Variants in C14orf93 observed in about 807,000 individuals in gnomAD.
The protein encoded by C14orf93 is uncharacterized protein C14orf93.
A neutral mutation model predicts 44.0 loss-of-function variants in C14orf93; 23 were observed. The ratio of observed to expected loss-of-function variants is 0.52; its 90% CI spans 0.38 to 0.74. C14orf93 has a LOEUF of 0.74. Among genes scored for constraint, C14orf93 ranks in the 30% least tolerant of loss-of-function variants. The pLI, the probability that C14orf93 is intolerant of heterozygous loss-of-function variation, is 0.00. For missense variants in C14orf93, 579 were observed against 678.9 expected (o/e 0.85, Z 1.64); for synonymous variants, 253 against 265.7 (o/e 0.95, Z 0.46).
In C14orf93 at chr14:22,996,699, A is replaced by T. The variant is rs961995713; in HGVS notation, c.598-431T>A. On this transcript the variant is annotated intron_variant, in intron 2 of 6. Coordinates refer to ENST00000299088, the MANE Select transcript of C14orf93 (RefSeq NM_021944.4). This position sits in a 1 kb window ranked among gnomAD's most constrained non-coding sequence, Gnocchi z 4.1. ...GGAGACATAAAAGACAAATGAGCAAAGGAGGAAGACATAAAGTCAGAAATC... is the reference window on the plus strand; with the variant it reads ...GGAGACATAAAAGACAAATGAGCAATGGAGGAAGACATAAAGTCAGAAATC... Among the ~76,000 whole-genome samples the T allele has an allele frequency of 2.8e-4, 43 of 152,214 alleles. No homozygotes were observed. The highest frequency in any genetic ancestry group is 1.0e-3 in the African/African-American group (42 of 41,442).
intron 5 of C14orf93, among the ~76,000 whole-genome samples, chr14:22,988,281 G>A (rs1467912606): frequency 6.6e-6 from 1 of 151,878 alleles, no homozygotes; most frequent in Non-Finnish European, 1.5e-5. Flanking sequence ...TTACAGGCAT[G>A]TGCCACCACA....
intron 1 of C14orf93, among the ~76,000 whole-genome samples, chr14:23,003,670 G>A (rs764324834): frequency 2.0e-5 from 3 of 150,874 alleles, no homozygotes; most frequent in African/African-American, 2.4e-5. Context: ...GCATGCTGGC[G>A]CGTGCCTGTA....
intron 1 of C14orf93, among the ~76,000 whole-genome samples, chr14:23,001,457 CTTTTAT>C (rs1594661754): frequency 6.6e-6 from 1 of 152,134 alleles, no homozygotes; most frequent in Admixed American, 6.5e-5. Context: ...CTTCCCCTCT[CTTTTAT>C]TTTTATTTAT....
chr14:22,998,245 C>T (rs946554293), intron 2 of C14orf93, 182 bp downstream of exon 2: 1 of 917,808 alleles, frequency 1.1e-6, no homozygotes, highest in African/African-American at 1.7e-5. Flanking sequence ...GCCAAAGAAG[C>T]TGATGGTTCA....
intron 3 of C14orf93, 27 bp from the exon 4 acceptor site, chr14:22,990,154 C>G (rs2045510178): frequency 6.3e-7 from 1 of 1,597,072 alleles, no homozygotes; most frequent in African/African-American, 1.3e-5. Context: ...AAAACACAAT[C>G]AAGCCAAGAG....
Position 22,992,159 on chromosome 14 carries a change from T to C in C14orf93, c.919-2032A>G, listed in dbSNP as rs2045678662. ...AGTCAGCTTATTCTATTGTTGAACA[T>C]TTCTACTCATTAAAAAGTTTTGCCG... On this transcript the variant is annotated intron_variant, in intron 3 of 6. Coordinates refer to ENST00000299088, the MANE Select transcript of C14orf93 (RefSeq NM_021944.4). 3.3e-5 allele frequency among the ~76,000 whole-genome samples: 5 copies of C among 152,280 alleles called. No individual in the cohort carries two copies. The South Asian group carries it at 1.0e-3, about 32-fold the overall frequency.
chr14:23,007,733 C>G (rs549568125), intron 1 of C14orf93, among the ~76,000 whole-genome samples: 1 of 152,112 alleles, frequency 6.6e-6, no homozygotes, highest in Non-Finnish European at 1.5e-5. Flanking sequence ...ATCAGGGATA[C>G]GGGCTCTGCA....
rs941389819 is a variant in C14orf93, at chr14:22,999,222, C to T, written c.-199G>A. 3.3e-5 allele frequency: 24 copies of T among 732,932 alleles called. No individual in the cohort carries two copies. The African/African-American group carries it at 4.1e-4, about 12-fold the overall frequency. The allele number at this position is 732,932 out of a possible 1,614,324, so 45.4% of individuals were successfully genotyped here. A position where few individuals can be genotyped will look rare whatever the true frequency, so the allele number is the denominator to read the frequency against. ...TCCATGGCGGCCTCTCCTCGGCCTG[C>T]AGAAGGGAGACAGGTGCCTTCTATT... is the stretch of plus-strand genomic sequence containing the variant. On this transcript the variant is annotated 5_prime_UTR_variant, in exon 2 of 7. Coordinates refer to ENST00000299088, the MANE Select transcript of C14orf93 (RefSeq NM_021944.4).
rs2045231372 is a variant in C14orf93 at position 22,986,437 on chromosome 14, G to A, written c.*778C>T. ...ATGTTTGTTATAAGACTGAATAAAT[G>A]TAAAGCCATTTTTGCTTTTCAATCC... On this transcript the variant is annotated 3_prime_UTR_variant, in exon 7 of 7. Coordinates refer to ENST00000299088, the MANE Select transcript of C14orf93 (RefSeq NM_021944.4). 1 of 152,220 alleles carries A rather than the reference G, an allele frequency of 6.6e-6. No homozygotes were observed. Among genetic ancestry groups the A allele is most frequent in the Non-Finnish European group, 1.5e-5 (1 of 68,100 alleles). The allele number at this position is 152,220 out of a possible 1,614,324, so 9.4% of individuals were successfully genotyped here. A position where few individuals can be genotyped will look rare whatever the true frequency, so the allele number is the denominator to read the frequency against.
At chr14:23,001,807 T>A (rs1314453244) in intron 1 of C14orf93, among the ~76,000 whole-genome samples, 1 of 131,374 alleles carries the variant, frequency 7.6e-6, no homozygotes, top group South Asian at 2.6e-4. Flanking sequence ...CCTTCCTTGG[T>A]CATCTTTCCA....
rs747747536 is a variant in C14orf93, at chr14:22,987,808, C to T, written c.1197+95G>A. The T allele has an allele frequency of 1.3e-5, 16 of 1,251,126 alleles. No homozygotes were observed. Among genetic ancestry groups the T allele is most frequent in the African/African-American group, 4.5e-5 (3 of 66,638 alleles). 77.5% of individuals were successfully genotyped at this position (1,251,126 alleles called of 1,614,324 possible). A position where few individuals can be genotyped will look rare whatever the true frequency, so the allele number is the denominator to read the frequency against. On this transcript the variant is annotated intron_variant, in intron 6 of 6. Transcript: ENST00000299088. The surrounding 1 kb of genome is among the most constrained non-coding windows in gnomAD (Gnocchi z 5.6). ...TCTCTATCTTCCTACATTCCTGGCT[C>T]TCAACCCTATTCTCATATGCCATGT...
chr14:22,989,463 A>C (rs1046512055), intron 5 of C14orf93, among the ~76,000 whole-genome samples: 3 of 152,196 alleles, frequency 2.0e-5, no homozygotes, highest in African/African-American at 7.2e-5. Flanking sequence ...TCCTCCTCGT[A>C]ACACCTTAGG....
intron 2 of C14orf93, among the ~76,000 whole-genome samples, chr14:22,997,310 G>A (rs1162171798): frequency 6.6e-6 from 1 of 152,148 alleles, no homozygotes; most frequent in East Asian, 1.9e-4. Context: ...GGGGAGAGAG[G>A]GGTTTATGTA....
In C14orf93 at chr14:22,986,949, C is replaced by T; in HGVS notation, c.*266G>A. On this transcript the variant is annotated 3_prime_UTR_variant, in exon 7 of 7. Transcript: ENST00000299088. ...CTTGGACCCATCCTCCTCATTTTCTCATCCCAGGCTTCTCCGAGATACTGT... is the reference window on the plus strand; with the variant it reads ...CTTGGACCCATCCTCCTCATTTTCTTATCCCAGGCTTCTCCGAGATACTGT... 1 of 477,680 alleles carries T rather than the reference C, an allele frequency of 2.1e-6. No homozygotes were observed. The allele number at this position is 477,680 out of a possible 1,614,324, so 29.6% of individuals were successfully genotyped here.
At chr14:23,008,365 C>T (rs2046740176) in intron 1 of C14orf93, among the ~76,000 whole-genome samples, 1 of 152,108 alleles carries the variant, frequency 6.6e-6, no homozygotes, top group South Asian at 2.1e-4. Flanking sequence ...CCAAACAGGG[C>T]CACTTTTGTT....
intron 1 of C14orf93, among the ~76,000 whole-genome samples, chr14:23,001,396 C>T (rs1468023535): frequency 6.6e-6 from 1 of 152,240 alleles, no homozygotes; most frequent in East Asian, 1.9e-4. Flanking sequence ...CGCACTTACT[C>T]TTTCTTGCAA....
At chr14:23,001,570 T>C (rs1244828151) in intron 1 of C14orf93, among the ~76,000 whole-genome samples, 1 of 152,104 alleles carries the variant, frequency 6.6e-6, no homozygotes, top group Non-Finnish European at 1.5e-5. Context: ...GTTCAAGTGA[T>C]TCTCCTGCCT....
intron 1 of C14orf93, chr14:23,006,376 C>G (rs1566701521): frequency 6.6e-6 from 1 of 152,168 alleles, no homozygotes; most frequent in Non-Finnish European, 1.5e-5. Context: ...AATCCAAGAC[C>G]TTATTTTTAG....
Position 22,996,004 on chromosome 14 carries a change from T to C in C14orf93, c.862A>G (p.Arg288Gly). Residue 288 changes from arginine to glycine, a missense_variant, in exon 3 of 7, where the codon AGG becomes GGG. By Grantham distance (125) the Arg-to-Gly change is moderately radical. Coordinates refer to ENST00000299088, the MANE Select transcript of C14orf93 (RefSeq NM_021944.4). This position sits in a 1 kb window ranked among gnomAD's most constrained non-coding sequence, Gnocchi z 4.1. ...HSLGLTVSPC[R>G]TRGSGQKNSR... is the part of the protein sequence containing the mutation. Reference sequence around the variant, plus strand: ...TTCTTCTGCCCACTTCCTCTGGTCCTGCATGGGGAAACGGTCAGCCCTAGA... The same window carrying C: ...TTCTTCTGCCCACTTCCTCTGGTCCCGCATGGGGAAACGGTCAGCCCTAGA... The C allele has an allele frequency of 6.2e-7, 1 of 1,613,018 alleles. No homozygotes were observed. The highest frequency in any genetic ancestry group is 8.5e-7 in the Non-Finnish European group (1 of 1,179,204).
Sources: allele counts gnomAD v4.1 joint callset (sites outside exome capture counted in the v4.1 genomes callset), GRCh38; gene constraint gnomAD v4.1.1; non-coding constraint Gnocchi (gnomAD v3.1); transcripts MANE v1.5; gene names NCBI Gene and HGNC (gene_info 2026-07-23, HGNC 2026-07-21).